Variants in TRANK1 observed in about 807,000 individuals in gnomAD.
TRANK1 encodes the protein TPR and ankyrin repeat-containing protein 1.
A neutral mutation model predicts 266.0 loss-of-function variants in TRANK1; 198 were observed. That is an observed-to-expected ratio of 0.74 (90% CI 0.66 to 0.84). The LOEUF (loss-of-function observed/expected upper bound fraction) is 0.84, where lower values mean the gene tolerates loss of function less well. Among genes scored for constraint, TRANK1 ranks in the 40% least tolerant of loss-of-function variants. The probability of loss-of-function intolerance (pLI) is 0.00; values close to 1 mark genes in which losing one functional copy is unlikely to be tolerated. For synonymous variants in TRANK1, 1,396 were observed against 1,384.1 expected (o/e 1.01, Z -0.19); for missense variants, 3,326 against 3,634.6 (o/e 0.92, Z 2.18).
In TRANK1 at chr3:36,944,964, G is replaced by GC; in HGVS notation, c.-156dup. 2 of 692,118 alleles carry GC rather than the reference G, an allele frequency of 2.9e-6. No individual in the cohort carries two copies. The highest frequency in any genetic ancestry group is 4.3e-6 in the Non-Finnish European group (2 of 467,690). The allele number at this position is 692,118 out of a possible 1,614,324, so 42.9% of individuals were successfully genotyped here. ...AGGCGGCGTTCGGGGGCCCCCAGCT[G>GC]CCTGCGGCTCGGCTACCCAGCCGCG... is the stretch of plus-strand genomic sequence containing the variant. On this transcript the variant is annotated 5_prime_UTR_variant, in exon 1 of 24. Coordinates refer to ENST00000645898, the MANE Select transcript of TRANK1 (RefSeq NM_001329998.2).
intron 15 of TRANK1, among the ~76,000 whole-genome samples, chr3:36,848,586 C>A (rs914685798): frequency 1.3e-5 from 2 of 152,180 alleles, no homozygotes; most frequent in African/African-American, 4.8e-5. Context: ...CCTTAAGTTA[C>A]TCCATCACTT....
At chr3:36,942,888 A>AC (rs1190129404) in intron 1 of TRANK1, among the ~76,000 whole-genome samples, 2 of 151,830 alleles carry the variant, frequency 1.3e-5, no homozygotes, top group Admixed American at 1.3e-4. Context: ...AAAAAAAAAA[A>AC]AACATAGAAT....
intron 8 of TRANK1, among the ~76,000 whole-genome samples, chr3:36,878,231 T>C (rs1017357705): frequency 6.6e-6 from 1 of 152,182 alleles, no homozygotes; most frequent in African/African-American, 2.4e-5. Context: ...CTCTTGAGAA[T>C]CTAACTAATG....
chr3:36,874,020 A>ATG (rs958168129), intron 9 of TRANK1, 106 bp downstream of exon 9: 22 of 995,278 alleles, frequency 2.2e-5, no homozygotes, highest in Non-Finnish European at 2.9e-5. Context: ...CCATATATAT[A>ATG]TGTGTGTGTA....
At chr3:36,919,005 A>G (rs983916285) in intron 1 of TRANK1, among the ~76,000 whole-genome samples, 3 of 152,228 alleles carry the variant, frequency 2.0e-5, no homozygotes, top group Non-Finnish European at 2.9e-5. Flanking sequence ...TGCCCATAAA[A>G]AACTATATTA....
rs2079723999 is a variant in TRANK1, at chr3:36,892,854, TATATATATATATATATAGATATATATAG to T, written c.636+19_636+46del. On this transcript the variant is annotated intron_variant, in intron 6 of 23. Transcript: ENST00000645898. ...AAACAAAACAAAACAAAACAAAACATATATATATATATATATAGATATATATAGATATATATATCACCTTACCTCAAAG... is the reference window on the plus strand; with the variant it reads ...AAACAAAACAAAACAAAACAAAACATATATATATATCACCTTACCTCAAAG... 4.0e-5 allele frequency: 9 copies of T among 224,968 alleles called. No individual in the cohort carries two copies. In the Middle Eastern group the frequency reaches 5.8e-3, roughly 144 times the overall value. The allele number at this position is 224,968 out of a possible 1,614,324, so 13.9% of individuals were successfully genotyped here.
In TRANK1 at chr3:36,856,795, C is replaced by T. The variant is rs767450489; in HGVS notation, c.2927G>A (p.Gly976Asp). Residue 976 changes from glycine (G) to aspartate (D), a missense_variant, in exon 13 of 24, where the codon GGT becomes GAT. Gly to Asp is a moderately conservative substitution (Grantham distance 94). Coordinates refer to ENST00000645898, the MANE Select transcript of TRANK1 (RefSeq NM_001329998.2). ...LSCVLRKKLK[G>D]INKGQVSANM... The stretch of plus-strand genomic sequence containing the variant: ...AGCTGACACTTGGCCTTTATTGATA[C>T]CTTTCAGCTTCTTCCGCAGGACACA... 169 of 1,613,884 alleles carry T rather than the reference C, an allele frequency of 1.0e-4. No individual in the cohort carries two copies. Among genetic ancestry groups the T allele is most frequent in the Non-Finnish European group, 1.4e-4 (161 of 1,179,898 alleles).
rs759542279 is a variant in TRANK1, at chr3:36,842,691, G to A, written c.5211C>T (p.Phe1737=). ...ACTCCGCAGGAGTTGAGGTCTTAACGAACATGCTATCATCAAAGTCTAAAA... is the reference window on the plus strand; with the variant it reads ...ACTCCGCAGGAGTTGAGGTCTTAACAAACATGCTATCATCAAAGTCTAAAA... ...DENKDFDDSM[F]VKTSTPAEWI... is the part of the protein sequence containing the mutation. The change falls in exon 18 of 24, where the codon TTC becomes TTT. Residue 1737 remains phenylalanine, a synonymous_variant. Coordinates refer to ENST00000645898, the MANE Select transcript of TRANK1 (RefSeq NM_001329998.2). 27 of 1,613,768 alleles carry A rather than the reference G, an allele frequency of 1.7e-5. No homozygotes were observed. Among genetic ancestry groups the A allele is most frequent in the East Asian group, 8.9e-5 (4 of 44,890 alleles).
Position 36,833,413 on chromosome 3 carries a change from T to C in TRANK1, c.6170A>G (p.Asn2057Ser), listed in dbSNP as rs1378969845. The change falls in exon 22 of 24, where the codon AAC becomes AGC. Residue 2057 changes from asparagine (N) to serine (S), a missense_variant. Asn to Ser is a conservative substitution (Grantham distance 46). Transcript: ENST00000645898. ...RDAFFKFDTL[N>S]HSAGVVEALY... ...TGCTTCCACCACTCCAGCTGAGTGG[T>C]TGAGCGTGTCAAACTTGAAGAAGGC... 3 of 1,613,824 alleles carry C rather than the reference T, an allele frequency of 1.9e-6. No individual in the cohort carries two copies. The highest frequency in any genetic ancestry group is 2.5e-6 in the Non-Finnish European group (3 of 1,179,826).
chr3:36,828,312 C>A lies in TRANK1; in HGVS notation c.8873G>T (p.Arg2958Met). ...CTGCTTTCCACATTTCCGAGAACGC[C>A]TTCTAGGCCGAAGCTCACCAAAGTC... ...VEDFGELRPR[R>M]RSRKCGKQRK... Residue 2958 changes from arginine to methionine, a missense_variant, in exon 24 of 24, where the codon AGG (arginine) becomes ATG (methionine). Physicochemically the swap from Arg to Met is moderately conservative, Grantham distance 91. Transcript: ENST00000645898. 6.2e-7 allele frequency: 1 copy of A among 1,612,490 alleles called. No individual in the cohort carries two copies. The highest frequency in any genetic ancestry group is 8.5e-7 in the Non-Finnish European group (1 of 1,179,276).
At position 36,864,371 on chromosome 3, in the gene TRANK1, A is replaced by G. The variant is rs2079184550; in HGVS notation, c.1188T>C (p.Phe396=). 3 of 1,536,900 alleles carry G rather than the reference A, an allele frequency of 2.0e-6. No homozygotes were observed. The South Asian group carries it at 3.6e-5, about 18-fold the overall frequency. The change falls in exon 10 of 24, where the codon TTT becomes TTC. Residue 396 remains phenylalanine, a synonymous_variant. Transcript: ENST00000645898. ...ACCTCTGAACTACTTCCTGCTTCAG[A>G]AAGTTTTTATGCAATAACCGGTTTC... is the stretch of plus-strand genomic sequence containing the variant. ...NSGNRLLHKN[F]LKQEVVQRFL...
chr3:36,890,664 A>C (rs933504216), intron 7 of TRANK1, among the ~76,000 whole-genome samples: 8 of 152,186 alleles, frequency 5.3e-5, no homozygotes, highest in Admixed American at 1.3e-4. Flanking sequence ...ATCTCTGATA[A>C]GATTACCCTA....
chr3:36,931,269 T>TAA (rs144882672), intron 1 of TRANK1, among the ~76,000 whole-genome samples: 7 of 148,964 alleles, frequency 4.7e-5, no homozygotes, highest in Admixed American at 1.3e-4. Context: ...TATTAAGTGT[T>TAA]AAAAAAAAAA....
In TRANK1 at chr3:36,857,558, C is replaced by T. The variant is rs768405530; in HGVS notation, c.2164G>A (p.Ala722Thr). 6 of 1,614,072 alleles carry T rather than the reference C, an allele frequency of 3.7e-6. No individual in the cohort carries two copies. The Admixed American group carries it at 1.0e-4, about 27-fold the overall frequency. ...GTQVTRKEPG[A>T]LRPCSLRDCL... ...TCTCTCAGCGAGCAGGGCCTGAGAG[C>T]TCCAGGCTCCTTCCTGGTCACCTGG... is the stretch of plus-strand genomic sequence containing the variant. Residue 722 changes from alanine to threonine, a missense_variant, in exon 13 of 24, where the codon GCT (alanine) becomes ACT (threonine). Physicochemically the swap from Ala to Thr is moderately conservative, Grantham distance 58. Coordinates refer to ENST00000645898, the MANE Select transcript of TRANK1 (RefSeq NM_001329998.2). The surrounding 1 kb of genome is among the most constrained non-coding windows in gnomAD (Gnocchi z 4.3).
chr3:36,873,956 T>TAAAAAAAAAAAAAA, intron 9 of TRANK1, among the ~76,000 whole-genome samples, 170 bp downstream of exon 9: 1 of 126,842 alleles, frequency 7.9e-6, no homozygotes, highest in Non-Finnish European at 1.7e-5. Flanking sequence ...ATTCTACCTT[T>TAAAAAAAAAAAAAA]AAAAAAAAAA....
intron 13 of TRANK1, among the ~76,000 whole-genome samples, chr3:36,854,726 C>A (rs1233047946): frequency 6.6e-6 from 1 of 151,764 alleles, no homozygotes; most frequent in Non-Finnish European, 1.5e-5. Context: ...AAATTAAAAG[C>A]ACCCAAGTGT....
intron 1 of TRANK1, among the ~76,000 whole-genome samples, chr3:36,917,835 C>CA (rs1039403344): frequency 3.9e-4 from 59 of 150,894 alleles, no homozygotes; most frequent in East Asian, 1.4e-3. Context: ...ACATACAATA[C>CA]AAAAAAAAGG....
intron 1 of TRANK1, among the ~76,000 whole-genome samples, chr3:36,937,601 G>T (rs999251089): frequency 5.3e-5 from 8 of 152,170 alleles, no homozygotes; most frequent in African/African-American, 1.7e-4. Context: ...TCAAATTCCT[G>T]CAAAAGCCAG....
chr3:36,874,904 G>A (rs1559445296), intron 8 of TRANK1, among the ~76,000 whole-genome samples: 1 of 151,920 alleles, frequency 6.6e-6, no homozygotes, highest in Non-Finnish European at 1.5e-5. Flanking sequence ...AGACTTAAAT[G>A]GGCACAGAGA....
Sources: allele counts gnomAD v4.1 joint callset (sites outside exome capture counted in the v4.1 genomes callset), GRCh38; gene constraint gnomAD v4.1.1; non-coding constraint Gnocchi (gnomAD v3.1); transcripts MANE v1.5; gene names NCBI Gene and HGNC (gene_info 2026-07-23, HGNC 2026-07-21).